The following RTCA variants were observed in gnomAD, a reference collection of about 807,000 sequenced individuals.
RTCA encodes the protein RNA terminal phosphate cyclase domain 1.
RTCA carries 37 observed loss-of-function variants against 46.1 expected under a neutral mutation model. That is an observed-to-expected ratio of 0.80 (90% CI 0.62 to 1.06). The LOEUF (loss-of-function observed/expected upper bound fraction) is 1.06, where lower values mean the gene tolerates loss of function less well. RTCA is among the 50% of genes least tolerant of loss of function. RTCA has a pLI of 0.00. For synonymous variants in RTCA, 164 were observed against 158.3 expected (o/e 1.04, Z -0.27); for missense variants, 435 against 455.5 (o/e 0.95, Z 0.41).
chr1:100,270,842 C>T (rs192953404), intron 4 of RTCA, among the ~76,000 whole-genome samples, 162 bp downstream of exon 4: 6 of 151,140 alleles, frequency 4.0e-5, no homozygotes, highest in Non-Finnish European at 1.5e-5. Context: ...AGTGCTGTTG[C>T]CAAGGCTGGA....
At chr1:100,267,997 A>G (rs1270423144) in intron 2 of RTCA, 155 bp from the exon 3 acceptor site, 24 of 1,113,340 alleles carry the variant, frequency 2.2e-5, no homozygotes, top group Non-Finnish European at 3.0e-5. Flanking sequence ...CTAGGTGCAT[A>G]AAAACCCAAA....
At chr1:100,287,329 C>T (rs1194241038) in intron 10 of RTCA, 126 bp downstream of exon 10, 1 of 580,812 alleles carries the variant, frequency 1.7e-6, no homozygotes, top group Non-Finnish European at 2.8e-6. Flanking sequence ...GTGACAGGCA[C>T]TGAGCTAATT....
intron 8 of RTCA, among the ~76,000 whole-genome samples, chr1:100,279,387 C>G (rs1322183348): frequency 6.6e-6 from 1 of 152,206 alleles, no homozygotes; most frequent in Non-Finnish European, 1.5e-5. Flanking sequence ...AATCTGCCTT[C>G]TGCCATTTAA....
chr1:100,270,919 G>A (rs1029312900), intron 4 of RTCA, among the ~76,000 whole-genome samples: 7 of 151,380 alleles, frequency 4.6e-5, no homozygotes, highest in African/African-American at 1.5e-4. Context: ...TCCTGTCTTG[G>A]CCTCCTGAGT....
chr1:100,270,145 A>G (rs1277261580), intron 3 of RTCA, among the ~76,000 whole-genome samples: 1 of 152,194 alleles, frequency 6.6e-6, no homozygotes, highest in South Asian at 2.1e-4. Context: ...GACCTTGTCT[A>G]TTTTGAAAGC....
At position 100,292,289 on chromosome 1, in the gene RTCA, A is replaced by G. The variant is rs1210230584; in HGVS notation, c.*785A>G. 6.6e-6 allele frequency: 1 copy of G among 151,634 alleles called. No individual in the cohort carries two copies. Among genetic ancestry groups the G allele is most frequent in the Non-Finnish European group, 1.5e-5 (1 of 67,914 alleles). 9.4% of individuals were successfully genotyped at this position (151,634 alleles called of 1,614,324 possible). ...TCTACCTAGTGGGCACTTTGTACAT[A>G]TTTATTTTTTATTTTATTTATTCAT... On this transcript the variant is annotated 3_prime_UTR_variant, in exon 11 of 11. Coordinates refer to ENST00000370128, the MANE Select transcript of RTCA (RefSeq NM_003729.4).
intron 2 of RTCA, chr1:100,267,645 G>T: frequency 1.3e-5 from 13 of 1,029,834 alleles, no homozygotes; most frequent in South Asian, 3.0e-5. Context: ...GTCTCTGTAT[G>T]TTCTAGTTTT....
intron 8 of RTCA, among the ~76,000 whole-genome samples, chr1:100,283,257 G>A (rs865786907): frequency 7.4e-6 from 1 of 135,538 alleles, no homozygotes; most frequent in Non-Finnish European, 1.5e-5. Context: ...CATAACCTCC[G>A]CCTCCCGAGT....
intron 8 of RTCA, 152 bp from the exon 9 acceptor site, chr1:100,285,076 A>G (rs1326683158): frequency 1.5e-5 from 9 of 587,370 alleles, no homozygotes; most frequent in Non-Finnish European, 2.8e-5. Flanking sequence ...TAAATAACTA[A>G]AGATCTTATT....
intron 4 of RTCA, among the ~76,000 whole-genome samples, chr1:100,271,937 T>G (rs141142710): frequency 4.7e-4 from 72 of 152,366 alleles, no homozygotes; most frequent in African/African-American, 1.7e-3. Context: ...GATAATACTG[T>G]ACGTAGGCTT....
chr1:100,266,309 A>T lies in RTCA; in HGVS notation c.-67A>T. 4.4e-6 allele frequency: 7 copies of T among 1,582,698 alleles called. No individual in the cohort carries two copies. Among genetic ancestry groups the T allele is most frequent in the Non-Finnish European group, 6.0e-6 (7 of 1,167,012 alleles). ...TTTCTGAACTACTGGGCGGGAGCCA[A>T]CGTCTCTTCTTTCTCCCGCTCTGGC... On this transcript the variant is annotated 5_prime_UTR_variant, in exon 1 of 11. Transcript: ENST00000370128.
Position 100,268,296 on chromosome 1 carries a change from G to A in RTCA, c.290+1G>A. The A allele has an allele frequency of 6.2e-7, 1 of 1,604,940 alleles. No individual in the cohort carries two copies. Among genetic ancestry groups the A allele is most frequent in the South Asian group, 1.1e-5 (1 of 90,032 alleles). ...ACACAGCAGATACCAAGACAGCAGG[G>A]TATGTATCACTTAACATTCCATTTA... On this transcript the variant is annotated splice_donor_variant, in intron 3 of 10. Transcript: ENST00000370128. LOFTEE classifies it high-confidence loss of function.
chr1:100,275,517 TTA>T (rs1666321719), intron 6 of RTCA, 80 bp from the exon 7 acceptor site: 3 of 1,051,742 alleles, frequency 2.9e-6, no homozygotes, highest in Non-Finnish European at 4.0e-6. Flanking sequence ...ACCAATTATT[TTA>T]TGTGTCTTTG....
chr1:100,281,094 A>T (rs1294629133), intron 8 of RTCA: 3 of 462,912 alleles, frequency 6.5e-6, no homozygotes, highest in Non-Finnish European at 1.3e-5. Context: ...TGTCAATACC[A>T]CCATAGGTGG....
chr1:100,269,628 C>T (rs966417973), intron 3 of RTCA, among the ~76,000 whole-genome samples: 5 of 151,892 alleles, frequency 3.3e-5, no homozygotes, highest in African/African-American at 9.7e-5. Flanking sequence ...CCACCACGCC[C>T]GGCCAAGCTG....
intron 2 of RTCA, chr1:100,267,668 A>G (rs767736740): frequency 3.0e-5 from 22 of 722,434 alleles, no homozygotes; most frequent in Non-Finnish European, 4.4e-5. Flanking sequence ...TTTTTTTTAT[A>G]AGGACACCAG....
At chr1:100,272,902 A>T (rs1666176263) in intron 4 of RTCA, among the ~76,000 whole-genome samples, 1 of 152,242 alleles carries the variant, frequency 6.6e-6, no homozygotes, top group Admixed American at 6.5e-5. Context: ...CCGTTAAGTC[A>T]ATTAGGCTAG....
chr1:100,266,502 C>G, intron 1 of RTCA, 22 bp from the exon 2 acceptor site: 1 of 1,611,354 alleles, frequency 6.2e-7, no homozygotes, highest in African/African-American at 1.3e-5. Flanking sequence ...CTTCTCTTCT[C>G]CCTGTACCCC....
At chr1:100,283,127 C>G (rs1325301149) in intron 8 of RTCA, among the ~76,000 whole-genome samples, 1 of 150,794 alleles carries the variant, frequency 6.6e-6, no homozygotes, top group African/African-American at 2.4e-5. Flanking sequence ...GGTCGCATCC[C>G]CAAGCTATCT....
Sources: gnomAD v4.1 joint callset for allele counts (sites outside exome capture counted in the v4.1 genomes callset) on GRCh38, gnomAD v4.1.1 for gene constraint, MANE v1.5 for transcripts, NCBI Gene and HGNC (gene_info 2026-07-23, HGNC 2026-07-21) for gene names.